Variants in SORCS3 observed in about 807,000 individuals in gnomAD.
SORCS3 encodes the protein sortilin related VPS10 domain containing receptor 3, also known as VPS10 domain-containing receptor SorCS3.
SORCS3 carries 57 observed loss-of-function variants against 146.3 expected under a neutral mutation model. That is an observed-to-expected ratio of 0.39 (90% CI 0.31 to 0.49). SORCS3 has a LOEUF of 0.49. Among genes scored for constraint, SORCS3 ranks in the 20% least tolerant of loss-of-function variants. The pLI, the probability that SORCS3 is intolerant of heterozygous loss-of-function variation, is 0.92. For missense variants in SORCS3, 1,341 were observed against 1,575.5 expected, an observed-to-expected ratio of 0.85 and a Z score of 2.52; for synonymous variants, 653 against 618.5, an observed-to-expected ratio of 1.06 and a Z score of -0.83.
At chr10:104,868,495 C>T (rs148934373) in intron 2 of SORCS3, among the ~76,000 whole-genome samples, 1,801 of 152,342 alleles carry the variant, frequency 0.012, 14 homozygotes, top group Non-Finnish European at 0.018. Flanking sequence ...TCTTGCATTT[C>T]AGATAGAGAC....
At chr10:105,117,804 A>G (rs1300983300) in intron 7 of SORCS3, among the ~76,000 whole-genome samples, 1 of 152,160 alleles carries the variant, frequency 6.6e-6, no homozygotes, top group Non-Finnish European at 1.5e-5. Flanking sequence ...CATCAAAGGT[A>G]TCTTTGAAGT....
intron 3 of SORCS3, among the ~76,000 whole-genome samples, chr10:104,940,236 A>ATT (rs1156750677): frequency 2.5e-4 from 6 of 23,610 alleles, no homozygotes; most frequent in Non-Finnish European, 3.5e-4. Context: ...ATATATATAT[A>ATT]TATTTTTTTT....
chr10:105,050,590 C>A (rs1401964874), intron 5 of SORCS3, among the ~76,000 whole-genome samples: 1 of 152,078 alleles, frequency 6.6e-6, no homozygotes, highest in African/African-American at 2.4e-5. Flanking sequence ...TCAGCCCTGG[C>A]AAACACTTTG....
intron 2 of SORCS3, among the ~76,000 whole-genome samples, chr10:104,905,944 G>A (rs2018900681): frequency 6.6e-6 from 1 of 152,160 alleles, no homozygotes; most frequent in Non-Finnish European, 1.5e-5. Context: ...TACAGAAAAG[G>A]AAAATATTTA....
chr10:105,172,007 G>A (rs1009375533), intron 13 of SORCS3, among the ~76,000 whole-genome samples: 15 of 152,198 alleles, frequency 9.9e-5, no homozygotes, highest in East Asian at 1.9e-4. Context: ...CCCACCTTAC[G>A]TAGTTCCCAT....
At chr10:105,206,789 G>C (rs2056605256) in intron 16 of SORCS3, among the ~76,000 whole-genome samples, 1 of 152,154 alleles carries the variant, frequency 6.6e-6, no homozygotes, top group South Asian at 2.1e-4. Flanking sequence ...GGGCCTGCTT[G>C]TGTTTGTTGA....
intron 14 of SORCS3, among the ~76,000 whole-genome samples, chr10:105,195,526 G>A (rs972684879): frequency 2.2e-4 from 33 of 152,146 alleles, no homozygotes; most frequent in African/African-American, 7.2e-4. Context: ...ATTTGAATTA[G>A]TTCTTAATTT....
rs375837566 is a variant in SORCS3 at position 104,941,431 on chromosome 10, T to C, written c.795+25499T>C. On this transcript the variant is annotated intron_variant, in intron 3 of 26. Transcript: ENST00000369701. ...CACTTCATTTGGGAATGGTCTTCAC[T>C]ACACCTGGCCCTTGTTTGTGTGGTC... Among the ~76,000 whole-genome samples, 52 of 152,328 alleles carry C rather than the reference T, an allele frequency of 3.4e-4. No individual in the cohort carries two copies. In the South Asian group the frequency reaches 0.011, roughly 31 times the overall value.
chr10:105,112,648 G>A (rs2055866263), intron 7 of SORCS3, among the ~76,000 whole-genome samples: 1 of 152,172 alleles, frequency 6.6e-6, no homozygotes. Flanking sequence ...AGAGCAGTGA[G>A]GCTTGAGTCC....
chr10:104,839,388 T>C (rs2018111320), intron 1 of SORCS3, among the ~76,000 whole-genome samples: 1 of 152,110 alleles, frequency 6.6e-6, no homozygotes, highest in Non-Finnish European at 1.5e-5. Flanking sequence ...GGCAGGCAAG[T>C]ACAGGGGATA....
intron 3 of SORCS3, among the ~76,000 whole-genome samples, chr10:104,922,157 C>A (rs2019093769): frequency 6.6e-6 from 1 of 152,138 alleles, no homozygotes; most frequent in Admixed American, 6.5e-5. Context: ...AACCTTTAAC[C>A]AAAACATAGC....
At chr10:105,009,722 AT>A (rs1023761285) in intron 4 of SORCS3, among the ~76,000 whole-genome samples, 9 of 151,276 alleles carry the variant, frequency 5.9e-5, no homozygotes, top group African/African-American at 2.2e-4. Flanking sequence ...TTTTTCAATA[AT>A]TTTTTTCACT....
intron 1 of SORCS3, among the ~76,000 whole-genome samples, chr10:104,763,594 C>T (rs1341670298): frequency 6.6e-6 from 1 of 152,186 alleles, no homozygotes; most frequent in Admixed American, 6.5e-5. Flanking sequence ...GATGGCCACT[C>T]TCCATCAGGG....
intron 2 of SORCS3, among the ~76,000 whole-genome samples, chr10:104,909,871 C>T (rs1379954946): frequency 6.6e-6 from 1 of 150,848 alleles, no homozygotes; most frequent in East Asian, 1.9e-4. Flanking sequence ...GAGTAGTGAA[C>T]TTGCTGGGTA....
chr10:105,207,917 T>C (rs774829899), intron 16 of SORCS3, among the ~76,000 whole-genome samples: 3 of 152,186 alleles, frequency 2.0e-5, no homozygotes, highest in Non-Finnish European at 4.4e-5. Flanking sequence ...CCTTCCTTCA[T>C]AGATTACCAG....
At chr10:104,925,239 C>G (rs1283310665) in intron 3 of SORCS3, among the ~76,000 whole-genome samples, 1 of 152,138 alleles carries the variant, frequency 6.6e-6, no homozygotes, top group East Asian at 1.9e-4. Flanking sequence ...AAAATGAACT[C>G]AAAATGCTTT....
At chr10:104,995,683 C>T (rs986899886) in intron 4 of SORCS3, among the ~76,000 whole-genome samples, 2 of 152,092 alleles carry the variant, frequency 1.3e-5, no homozygotes, top group Admixed American at 6.6e-5. Context: ...GCGTGATTTA[C>T]GGTGCTTTCT....
intron 5 of SORCS3, among the ~76,000 whole-genome samples, chr10:105,062,934 C>T (rs946541856): frequency 5.3e-5 from 8 of 152,130 alleles, no homozygotes; most frequent in African/African-American, 1.4e-4. Context: ...TATAAGGAGG[C>T]TTGTCACCTC....
chr10:104,753,572 A>C lies in SORCS3; in HGVS notation c.628-89220A>C, dbSNP rs2017013261. On this transcript the variant is annotated intron_variant, in intron 1 of 26. Coordinates refer to ENST00000369701, the MANE Select transcript of SORCS3 (RefSeq NM_014978.3). ...CTTTTAATCAAGAGCTCTTTTCCTA[A>C]TACTATACGAATGATTAACTTTGAT... is the stretch of plus-strand genomic sequence containing the variant. 2.6e-5 allele frequency among the ~76,000 whole-genome samples: 4 copies of C among 152,330 alleles called. No individual in the cohort carries two copies. The South Asian group carries it at 8.3e-4, about 32-fold the overall frequency.
Sources: allele counts gnomAD v4.1 joint callset (sites outside exome capture counted in the v4.1 genomes callset), GRCh38; gene constraint gnomAD v4.1.1; transcripts MANE v1.5; gene names NCBI Gene and HGNC (gene_info 2026-07-23, HGNC 2026-07-21).